RIMS1: variants seen among roughly 807,000 people sequenced by gnomAD.
The protein encoded by RIMS1 is regulating synaptic membrane exocytosis 1, also known as regulating synaptic membrane exocytosis protein 1.
Under a neutral mutation model 214.1 loss-of-function variants are expected in RIMS1, and 83 were observed. The ratio of observed to expected loss-of-function variants is 0.39; its 90% confidence interval spans 0.32 to 0.47. The LOEUF (loss-of-function observed/expected upper bound fraction) is 0.47, where lower values mean the gene tolerates loss of function less well. Ranked by LOEUF, RIMS1 falls within the 20% of genes least tolerant of loss-of-function variation. RIMS1 has a pLI of 0.99. For synonymous variants in RIMS1, 793 were observed against 786.8 expected, an observed-to-expected ratio of 1.01 and a Z score of -0.13; for missense variants, 2,050 against 2,161.8, an observed-to-expected ratio of 0.95 and a Z score of 1.03.
chr6:72,353,961 T>C (rs1046225130), intron 29 of RIMS1, among the ~76,000 whole-genome samples: 3 of 152,032 alleles, frequency 2.0e-5, no homozygotes, highest in Non-Finnish European at 4.4e-5. Flanking sequence ...GGCTCACACC[T>C]GTAATCCCAG....
At chr6:71,893,814 C>T (rs1010222744) in intron 1 of RIMS1, among the ~76,000 whole-genome samples, 1 of 152,138 alleles carries the variant, frequency 6.6e-6, no homozygotes, top group African/African-American at 2.4e-5. Context: ...TGAAAACTTC[C>T]TGTTCATACG....
chr6:71,948,671 A>C (rs1788577150), intron 1 of RIMS1, among the ~76,000 whole-genome samples: 1 of 152,188 alleles, frequency 6.6e-6, no homozygotes, highest in Non-Finnish European at 1.5e-5. Flanking sequence ...TGATTTTTAT[A>C]ATTATTACTA....
intron 28 of RIMS1, among the ~76,000 whole-genome samples, chr6:72,314,978 T>C (rs1470197270): frequency 6.6e-6 from 1 of 152,190 alleles, no homozygotes; most frequent in African/African-American, 2.4e-5. Flanking sequence ...GAATAACTTG[T>C]GAGTTCATTT....
At chr6:72,065,961 T>C (rs1829197842) in intron 2 of RIMS1, among the ~76,000 whole-genome samples, 1 of 152,010 alleles carries the variant, frequency 6.6e-6, no homozygotes, top group Non-Finnish European at 1.5e-5. Flanking sequence ...ATGTGGATAT[T>C]CCAACTGAAT....
chr6:72,163,461 C>T (rs1225695955), intron 4 of RIMS1, among the ~76,000 whole-genome samples: 1 of 141,162 alleles, frequency 7.1e-6, no homozygotes, highest in Non-Finnish European at 1.6e-5. Flanking sequence ...GAGAGGCACT[C>T]TGATTTTTAA....
intron 4 of RIMS1, among the ~76,000 whole-genome samples, chr6:72,154,077 T>C (rs2153908935): frequency 6.6e-6 from 1 of 152,114 alleles, no homozygotes; most frequent in African/African-American, 2.4e-5. Context: ...AGTGCTTGAT[T>C]CCTGGAAAGA....
intron 4 of RIMS1, among the ~76,000 whole-genome samples, chr6:72,151,232 C>T (rs891537937): frequency 3.9e-5 from 6 of 151,924 alleles, no homozygotes; most frequent in South Asian, 2.1e-4. Flanking sequence ...TTAGTAGAGA[C>T]GGGGTTTCAC....
intron 4 of RIMS1, among the ~76,000 whole-genome samples, chr6:72,116,096 G>A (rs114445944): frequency 0.015 from 2,214 of 152,036 alleles, 64 homozygotes; most frequent in African/African-American, 0.049. Context: ...GTCTGGACTA[G>A]AGTGAGAAGC....
chr6:71,897,873 T>C (rs1190510068), intron 1 of RIMS1, among the ~76,000 whole-genome samples: 1 of 151,800 alleles, frequency 6.6e-6, no homozygotes, highest in African/African-American at 2.4e-5. Context: ...ACTGGAGGAG[T>C]CACCCAGGGC....
chr6:72,376,602 C>T (rs2098387219), intron 29 of RIMS1, among the ~76,000 whole-genome samples: 1 of 152,036 alleles, frequency 6.6e-6, no homozygotes, highest in African/African-American at 2.4e-5. Flanking sequence ...CAAAAATTAG[C>T]TGGGCGTAGT....
At chr6:72,230,597 A>G (rs1244312424) in intron 6 of RIMS1, among the ~76,000 whole-genome samples, 1 of 151,586 alleles carries the variant, frequency 6.6e-6, no homozygotes, top group Non-Finnish European at 1.5e-5. Flanking sequence ...ACTAGACATC[A>G]TGATACACAA....
At chr6:72,316,774 C>T (rs940770411) in intron 28 of RIMS1, 7 of 699,896 alleles carry the variant, frequency 1.0e-5, no homozygotes, top group African/African-American at 5.3e-5. Context: ...TAGGCAGGGC[C>T]AGTTGACGGT....
At chr6:71,931,545 C>A (rs1436577560) in intron 1 of RIMS1, among the ~76,000 whole-genome samples, 1 of 151,818 alleles carries the variant, frequency 6.6e-6, no homozygotes, top group East Asian at 1.9e-4. Context: ...GAGACAAGGT[C>A]TTTTGAAAAG....
intron 29 of RIMS1, among the ~76,000 whole-genome samples, chr6:72,388,297 G>A (rs2098646421): frequency 6.6e-6 from 1 of 152,150 alleles, no homozygotes; most frequent in Admixed American, 6.5e-5. Context: ...AAGTAAAAAA[G>A]GCCCAGAAGC....
intron 6 of RIMS1, among the ~76,000 whole-genome samples, chr6:72,191,501 A>G (rs985486351): frequency 1.3e-5 from 2 of 152,208 alleles, no homozygotes; most frequent in Non-Finnish European, 2.9e-5. Flanking sequence ...AATGTAATGG[A>G]CCAGTGTGAT....
intron 26 of RIMS1, among the ~76,000 whole-genome samples, chr6:72,301,056 C>A (rs951769018): frequency 6.6e-6 from 1 of 151,674 alleles, no homozygotes; most frequent in Non-Finnish European, 1.5e-5. Flanking sequence ...TTTTCTGTTT[C>A]TCATGCTGGT....
chr6:72,177,127 G>A lies in RIMS1; in HGVS notation c.472-2448G>A, dbSNP rs1158365055. Among the ~76,000 whole-genome samples, 3 of 151,902 alleles carry A rather than the reference G, an allele frequency of 2.0e-5. No individual in the cohort carries two copies. In the East Asian group the frequency reaches 5.8e-4, roughly 29 times the overall value. ...GTGCTCCTTTCTGCTTCTTTATTTA[G>A]CTTTATTCAATTTTAGAAACTTTGT... is the stretch of plus-strand genomic sequence containing the variant. On this transcript the variant is annotated intron_variant, in intron 4 of 33. Transcript: ENST00000521978.
intron 4 of RIMS1, among the ~76,000 whole-genome samples, chr6:72,102,680 G>A (rs891091699): frequency 3.3e-5 from 5 of 151,960 alleles, no homozygotes; most frequent in Non-Finnish European, 5.9e-5. Context: ...GAACCTGGCT[G>A]TATTATAAGG....
At chr6:72,069,324 A>G (rs1830060259) in intron 2 of RIMS1, among the ~76,000 whole-genome samples, 1 of 152,226 alleles carries the variant, frequency 6.6e-6, no homozygotes, top group Non-Finnish European at 1.5e-5. Flanking sequence ...GGCGAAAGGT[A>G]GCTGAAGGCC....
Sources: gnomAD v4.1 joint callset for allele counts (sites outside exome capture counted in the v4.1 genomes callset) on GRCh38, gnomAD v4.1.1 for gene constraint, MANE v1.5 for transcripts, NCBI Gene and HGNC (gene_info 2026-07-23, HGNC 2026-07-21) for gene names.